TIMP2: variants seen among roughly 807,000 people sequenced by gnomAD.
TIMP2 encodes metalloproteinase inhibitor 2.
Under a neutral mutation model 24.3 loss-of-function variants are expected in TIMP2, and 5 were observed. The observed-to-expected ratio is 0.21, with a 90% CI of 0.11 to 0.43. The LOEUF (loss-of-function observed/expected upper bound fraction) is 0.43, where lower values mean the gene tolerates loss of function less well. TIMP2 is among the 20% of genes least tolerant of loss of function. The probability of loss-of-function intolerance (pLI) is 1.00; values close to 1 mark genes in which losing one functional copy is unlikely to be tolerated. For missense variants in TIMP2, 221 were observed against 297.5 expected, an observed-to-expected ratio of 0.74 and a Z score of 1.89; for synonymous variants, 130 against 123.2, an observed-to-expected ratio of 1.06 and a Z score of -0.37.
intron 1 of TIMP2, among the ~76,000 whole-genome samples, chr17:78,917,329 C>A (rs929645081): frequency 1.3e-4 from 20 of 151,380 alleles, no homozygotes; most frequent in Admixed American, 7.9e-4. Flanking sequence ...ACTCGGGAGG[C>A]TGAGGCAGGA....
At chr17:78,869,293 C>A (rs561310061) in intron 3 of TIMP2, among the ~76,000 whole-genome samples, 1 of 151,866 alleles carries the variant, frequency 6.6e-6, no homozygotes, top group East Asian at 1.9e-4. Context: ...GTGGCACACA[C>A]CTGTAGTTGA....
At chr17:78,880,532 A>G (rs2069769918) in intron 1 of TIMP2, among the ~76,000 whole-genome samples, 1 of 54,422 alleles carries the variant, frequency 1.8e-5, no homozygotes, top group African/African-American at 6.9e-5. Flanking sequence ...AAAAAACAAA[A>G]TACAAAAAAC....
chr17:78,869,833 A>C lies in TIMP2; in HGVS notation c.340+1065T>G, dbSNP rs1300451666. On this transcript the variant is annotated intron_variant, in intron 3 of 4. Transcript: ENST00000262768. ...CTGTCTCAAAAACAAAAAAAAGAGT[A>C]AGGAAATTCTGATGTATGCTGTAAC... Among the ~76,000 whole-genome samples the C allele has an allele frequency of 2.0e-5, 3 of 152,222 alleles. No homozygotes were observed. The East Asian group carries it at 5.8e-4, about 29-fold the overall frequency.
intron 2 of TIMP2, among the ~76,000 whole-genome samples, chr17:78,872,945 C>T (rs1430280072): frequency 6.6e-6 from 1 of 152,004 alleles, no homozygotes; most frequent in Non-Finnish European, 1.5e-5. Context: ...TCTCCTGCCT[C>T]AGCCTCCCAA....
At chr17:78,879,348 G>T (rs1038775751) in intron 1 of TIMP2, among the ~76,000 whole-genome samples, 1 of 152,236 alleles carries the variant, frequency 6.6e-6, no homozygotes, top group Non-Finnish European at 1.5e-5. Flanking sequence ...GGGAAAGCAG[G>T]CCACTTCAAA....
chr17:78,893,523 ATC>A (rs1474778409), intron 1 of TIMP2, among the ~76,000 whole-genome samples: 7 of 146,272 alleles, frequency 4.8e-5, no homozygotes, highest in Non-Finnish European at 1.0e-4. Flanking sequence ...GCGTGTGCAC[ATC>A]TGTTTATGTT....
At position 78,924,853 on chromosome 17, in the gene TIMP2, G is replaced by C; in HGVS notation, c.130+106C>G. 1 of 694,338 alleles carries C rather than the reference G, an allele frequency of 1.4e-6. No individual in the cohort carries two copies. The highest frequency in any genetic ancestry group is 6.5e-5 in the South Asian group (1 of 15,396). 43.0% of individuals were successfully genotyped at this position (694,338 alleles called of 1,614,324 possible). A position where few individuals can be genotyped will look rare whatever the true frequency, so the allele number is the denominator to read the frequency against. On this transcript the variant is annotated intron_variant, in intron 1 of 4. Transcript: ENST00000262768. This position sits in a 1 kb window ranked among gnomAD's most constrained non-coding sequence, Gnocchi z 5.3. ...AAGGCGCCGAGGGACCAGGAGGCGG[G>C]CGCTGGGGTCCCTCGGCCAGCGGCG...
At chr17:78,871,571 G>A (rs1206397378) in intron 2 of TIMP2, among the ~76,000 whole-genome samples, 4 of 152,058 alleles carry the variant, frequency 2.6e-5, no homozygotes, top group African/African-American at 9.7e-5. Flanking sequence ...TCTGTGCCGG[G>A]CGAAGTGGCT....
In TIMP2 at chr17:78,891,994, A is replaced by G. The variant is rs1021106466; in HGVS notation, c.131-18075T>C. The G allele has an allele frequency of 7.1e-6, 11 of 1,550,328 alleles. No homozygotes were observed. Among genetic ancestry groups the G allele is most frequent in the South Asian group, 3.6e-5 (3 of 84,062 alleles). ...TCCTCTCTTCACTAAGGGCTGCTCT[A>G]TGCTTCTCCTTGGCCCTCGGGGGCC... is the stretch of plus-strand genomic sequence containing the variant. On this transcript the variant is annotated intron_variant, in intron 1 of 4. Transcript: ENST00000262768. The surrounding 1 kb of genome is among the most constrained non-coding windows in gnomAD (Gnocchi z 4.5).
At position 78,914,255 on chromosome 17, in the gene TIMP2, CTATTCATT is replaced by C. The variant is rs751413686; in HGVS notation, c.130+10696_130+10703del. Among the ~76,000 whole-genome samples the C allele has an allele frequency of 3.5e-3, 376 of 106,666 alleles. 1 individual carries two copies. Among genetic ancestry groups the C allele is most frequent in the African/African-American group, 0.01 (351 of 33,838 alleles). The allele number at this position is 106,666 out of a possible 152,430, so 70.0% of individuals were successfully genotyped here. ...CATTCATCTGCCTTCGAAATTTTGG[CTATTCATT>C]TATTTATTTATTTATTTATTTATTT... On this transcript the variant is annotated intron_variant, in intron 1 of 4. Coordinates refer to ENST00000262768, the MANE Select transcript of TIMP2 (RefSeq NM_003255.5).
intron 2 of TIMP2, among the ~76,000 whole-genome samples, chr17:78,872,222 C>A (rs2069692229): frequency 6.6e-6 from 1 of 151,650 alleles, no homozygotes; most frequent in African/African-American, 2.4e-5. Flanking sequence ...AACTCCTGAG[C>A]TCAAGCAATC....
intron 1 of TIMP2, among the ~76,000 whole-genome samples, chr17:78,877,847 G>C (rs1329211515): frequency 6.6e-6 from 1 of 151,872 alleles, no homozygotes; most frequent in Non-Finnish European, 1.5e-5. Context: ...GGGATTACAG[G>C]CACGCGCCAC....
intron 1 of TIMP2, among the ~76,000 whole-genome samples, chr17:78,884,526 GGAAA>G (rs1423205151): frequency 6.6e-6 from 1 of 152,110 alleles, no homozygotes; most frequent in Non-Finnish European, 1.5e-5. Flanking sequence ...CACACACCCA[GGAAA>G]GAATGAAAGC....
intron 1 of TIMP2, chr17:78,901,665 T>C: frequency 1.4e-6 from 1 of 711,182 alleles, no homozygotes; most frequent in Non-Finnish European, 2.6e-6. Flanking sequence ...TCACTCTGGG[T>C]GCCTCAGTTT....
At chr17:78,915,292 C>T (rs73397250) in intron 1 of TIMP2, among the ~76,000 whole-genome samples, 2,568 of 152,210 alleles carry the variant, frequency 0.017, 74 homozygotes, top group African/African-American at 0.058. Context: ...CACTCTGTTG[C>T]GGCAGGGAGA....
chr17:78,870,752 G>C, intron 3 of TIMP2, 146 bp downstream of exon 3: 1 of 546,484 alleles, frequency 1.8e-6, no homozygotes, highest in East Asian at 3.2e-5. Context: ...ACGGGAAGTG[G>C]CCGAGAGGGC....
chr17:78,880,462 G>A (rs2069769503), intron 1 of TIMP2, among the ~76,000 whole-genome samples: 1 of 152,132 alleles, frequency 6.6e-6, no homozygotes, highest in Non-Finnish European at 1.5e-5. Flanking sequence ...CAAGGTGGAT[G>A]GGTTGCTTGA....
chr17:78,922,205 C>T (rs982642119), intron 1 of TIMP2: 1 of 152,244 alleles, frequency 6.6e-6, no homozygotes, highest in South Asian at 2.1e-4. Context: ...GAGAAAGTCA[C>T]AAACCTGCAT....
In TIMP2 at chr17:78,855,665, G is replaced by A; in HGVS notation, c.*2C>T. ...TTGGCCACAGGGGCGTTGGAGGCCTGCTTATGGGTCCTCGATGTCGAGAAA... is the reference window on the plus strand; with the variant it reads ...TTGGCCACAGGGGCGTTGGAGGCCTACTTATGGGTCCTCGATGTCGAGAAA... On this transcript the variant is annotated 3_prime_UTR_variant, in exon 5 of 5. Coordinates refer to ENST00000262768, the MANE Select transcript of TIMP2 (RefSeq NM_003255.5). The surrounding 1 kb of genome is among the most constrained non-coding windows in gnomAD (Gnocchi z 6.0). 1 of 1,613,522 alleles carries A rather than the reference G, an allele frequency of 6.2e-7. No individual in the cohort carries two copies. Among genetic ancestry groups the A allele is most frequent in the Non-Finnish European group, 8.5e-7 (1 of 1,179,984 alleles).
Sources: allele counts gnomAD v4.1 joint callset (sites outside exome capture counted in the v4.1 genomes callset), GRCh38; gene constraint gnomAD v4.1.1; non-coding constraint Gnocchi (gnomAD v3.1); transcripts MANE v1.5; gene names NCBI Gene and HGNC (gene_info 2026-07-23, HGNC 2026-07-21).